Variants in SYNJ1 observed in about 807,000 individuals in gnomAD.
The protein encoded by SYNJ1 is polyphosphatidylinositol phosphatase SYNJ1.
A neutral mutation model predicts 168.2 loss-of-function variants in SYNJ1; 78 were observed. The observed-to-expected ratio is 0.46, with a 90% confidence interval of 0.39 to 0.56. The LOEUF is 0.56. Among genes scored for constraint, SYNJ1 ranks in the 20% least tolerant of loss-of-function variants. The pLI is 0.00. For synonymous variants in SYNJ1, 539 were observed against 548.6 expected, an observed-to-expected ratio of 0.98 and a Z score of 0.24; for missense variants, 1,303 against 1,597.6, an observed-to-expected ratio of 0.82 and a Z score of 3.14.
Position 32,666,446 on chromosome 21 carries a change from C to T in SYNJ1, c.1939G>A (p.Ala647Thr). The change falls in exon 16 of 33, where the codon GCT becomes ACT. Residue 647 changes from alanine (A) to threonine (T), a missense_variant. By Grantham distance (58) the Ala-to-Thr change is moderately conservative. Coordinates refer to ENST00000674351, the MANE Select transcript of SYNJ1 (RefSeq NM_203446.3). The part of the protein sequence containing the change: ...CLFVFIRPQH[A>T]PFIRDVAVDT... ...CTGTTTACTGACCTGATAAAAGGAGCATGCTGTGGTCTGATAAAAACAAAC... is the reference window on the plus strand; with the variant it reads ...CTGTTTACTGACCTGATAAAAGGAGTATGCTGTGGTCTGATAAAAACAAAC... The T allele has an allele frequency of 3.7e-6, 6 of 1,613,756 alleles. No individual in the cohort carries two copies. Among genetic ancestry groups the T allele is most frequent in the Non-Finnish European group, 5.1e-6 (6 of 1,179,882 alleles).
At chr21:32,634,974 C>T (rs1601211651) in intron 31 of SYNJ1, 90 bp from the exon 32 acceptor site, 1 of 1,379,024 alleles carries the variant, frequency 7.3e-7, no homozygotes, top group East Asian at 2.3e-5. Flanking sequence ...CAACAAAATG[C>T]TTTCTAAGTT....
At chr21:32,666,831 A>T (rs1391191858) in intron 15 of SYNJ1, among the ~76,000 whole-genome samples, 1 of 152,172 alleles carries the variant, frequency 6.6e-6, no homozygotes, top group Non-Finnish European at 1.5e-5. Context: ...GTAAATTCAA[A>T]CTTATACATT....
intron 2 of SYNJ1, among the ~76,000 whole-genome samples, chr21:32,725,566 T>A (rs565473960): frequency 6.6e-6 from 1 of 152,318 alleles, no homozygotes; most frequent in South Asian, 2.1e-4. Flanking sequence ...TATGTCACTA[T>A]CTTTTTCCCC....
At chr21:32,639,198 G>A in intron 30 of SYNJ1, 73 bp from the exon 31 acceptor site, 2 of 1,381,606 alleles carry the variant, frequency 1.4e-6, no homozygotes, top group South Asian at 1.4e-5. Context: ...TTAGTGAAAT[G>A]TTAGGAGAAC....
intron 15 of SYNJ1, 46 bp downstream of exon 15, chr21:32,670,242 T>TC: frequency 6.6e-7 from 1 of 1,508,342 alleles, no homozygotes; most frequent in Non-Finnish European, 9.2e-7. Context: ...CTCCATAGTT[T>TC]CCCTCAACTG....
rs139705404 is a variant in SYNJ1, at chr21:32,664,312, G to A, written c.2304+601C>T. ...AGTTCTCAAAGGGGGGAATAAGGGA[G>A]GAGACCACCCCTCATATTGTCTTAT... On this transcript the variant is annotated intron_variant, in intron 18 of 32. Coordinates refer to ENST00000674351, the MANE Select transcript of SYNJ1 (RefSeq NM_203446.3). Among the ~76,000 whole-genome samples the A allele has an allele frequency of 2.6e-3, 391 of 152,274 alleles. 4 individuals are homozygous for A. The highest frequency in any genetic ancestry group is 9.1e-3 in the African/African-American group (379 of 41,530).
chr21:32,644,819 A>G, intron 26 of SYNJ1, 149 bp downstream of exon 26: 1 of 870,218 alleles, frequency 1.1e-6, no homozygotes, highest in Non-Finnish European at 1.7e-6. Context: ...TACCTGGGAA[A>G]TGAAAGCCTT....
chr21:32,662,085 C>G lies in SYNJ1; in HGVS notation c.2304+2828G>C, dbSNP rs141394358. ...AAGGAGAAGGAATCCCAGCCTGGAT[C>G]CACCACAGCCGTGTGAAACCTGCAG... is the stretch of plus-strand genomic sequence containing the variant. On this transcript the variant is annotated intron_variant, in intron 18 of 32. Coordinates refer to ENST00000674351, the MANE Select transcript of SYNJ1 (RefSeq NM_203446.3). Among the ~76,000 whole-genome samples, 211 of 152,244 alleles carry G rather than the reference C, an allele frequency of 1.4e-3. 4 individuals carry two copies. In the East Asian group the frequency reaches 0.015, roughly 11 times the overall value.
At position 32,631,153 on chromosome 21, in the gene SYNJ1, A is replaced by AT. The variant is rs2039307125; in HGVS notation, c.*651_*652insA. 6.2e-7 allele frequency: 1 copy of AT among 1,614,188 alleles called. No individual in the cohort carries two copies. The highest frequency in any genetic ancestry group is 1.1e-5 in the South Asian group (1 of 91,084). ...AAGGAGACATTTGTACCTTTATTCCAGTCATCATTCAATGTCAGGTTGGAG... is the reference window on the plus strand; with the variant it reads ...AAGGAGACATTTGTACCTTTATTCCATGTCATCATTCAATGTCAGGTTGGAG... On this transcript the variant is annotated 3_prime_UTR_variant, in exon 33 of 33. Transcript: ENST00000674351.
intron 1 of SYNJ1, among the ~76,000 whole-genome samples, chr21:32,727,321 G>T (rs1327356778): frequency 6.6e-6 from 1 of 152,198 alleles, no homozygotes; most frequent in East Asian, 1.9e-4. Flanking sequence ...TTCCTTCGAG[G>T]TGAAAGGAGC....
At chr21:32,643,508 G>A in intron 26 of SYNJ1, 51 bp from the exon 27 acceptor site, 1 of 1,565,566 alleles carries the variant, frequency 6.4e-7, no homozygotes, top group African/African-American at 1.4e-5. Flanking sequence ...CCACAGCACA[G>A]AATGAAAGGC....
intron 26 of SYNJ1, among the ~76,000 whole-genome samples, chr21:32,644,480 T>G (rs2039980431): frequency 6.6e-6 from 1 of 152,238 alleles, no homozygotes; most frequent in South Asian, 2.1e-4. Context: ...AGATTTAGAT[T>G]AAATAAACTT....
In SYNJ1 at chr21:32,695,096, A is replaced by C. The variant is rs1391529643; in HGVS notation, c.666T>G (p.Asn222Lys). 1 of 1,614,148 alleles carries C rather than the reference A, an allele frequency of 6.2e-7. No individual in the cohort carries two copies. Among genetic ancestry groups the C allele is most frequent in the South Asian group, 1.1e-5 (1 of 91,088 alleles). The change falls in exon 5 of 33, where the codon AAT becomes AAG. Residue 222 changes from asparagine to lysine, a missense_variant. Transcript: ENST00000674351. The part of the protein sequence containing the change: ...AGTRFNVRGT[N>K]DDGHVANFVE... ...CAAAATTGGCAACATGACCATCATC[A>C]TTTGTTCCCCGGACATTAAACCTGG...
rs148901211 is a variant in SYNJ1, at chr21:32,673,511, T to C, written c.1555A>G (p.Ser519Gly). 9.4e-5 allele frequency: 152 copies of C among 1,610,444 alleles called. No individual in the cohort carries two copies. Among genetic ancestry groups the C allele is most frequent in the Non-Finnish European group, 1.2e-4 (141 of 1,178,532 alleles). Residue 519 changes from serine (S) to glycine (G), a missense_variant, in exon 14 of 33, where the codon AGC (serine) becomes GGC (glycine). This residue lies in a region of SYNJ1 where 920 missense variants were observed against 1,208.8 expected (regional missense o/e 0.76). Coordinates refer to ENST00000674351, the MANE Select transcript of SYNJ1 (RefSeq NM_203446.3). ...TATTTGTAGAAATTCTCACACATGC[T>C]CTTTAGTACTTTAGAAGATGCTAAT... ...LQSASSKVLK[S>G]MCENFYKYSK...
At chr21:32,702,490 G>T (rs1019731315) in intron 2 of SYNJ1, among the ~76,000 whole-genome samples, 6 of 151,800 alleles carry the variant, frequency 4.0e-5, no homozygotes, top group African/African-American at 1.5e-4. Flanking sequence ...ATAAACCACA[G>T]AATAATTTTC....
chr21:32,683,428 T>G (rs905872365), intron 10 of SYNJ1, among the ~76,000 whole-genome samples: 1 of 152,064 alleles, frequency 6.6e-6, no homozygotes, highest in Non-Finnish European at 1.5e-5. Context: ...ACTATGGCAT[T>G]TTCATCTGAT....
In SYNJ1 at chr21:32,702,006, C is replaced by T; in HGVS notation, c.166G>A (p.Val56Ile). 6.3e-7 allele frequency: 1 copy of T among 1,579,532 alleles called. No homozygotes were observed. Among genetic ancestry groups the T allele is most frequent in the Non-Finnish European group, 8.6e-7 (1 of 1,157,178 alleles). ...KEAIKGTYSKVLDAYGLLGVL... is the reference protein window; with the variant it reads ...KEAIKGTYSKILDAYGLLGVL... ...CCTAAGAGTCCATATGCATCCAGTA[C>T]TTTGGAGTATGTACCCTTGATTGCC... Residue 56 changes from valine to isoleucine, a missense_variant, in exon 3 of 33, where the codon GTA becomes ATA. By Grantham distance (29) the Val-to-Ile change is conservative (BLOSUM62 3). Around this residue, in one of 2 missense-constraint regions of SYNJ1, gnomAD observed 920 missense variants for 1,208.8 expected, o/e 0.76. Transcript: ENST00000674351.
intron 18 of SYNJ1, among the ~76,000 whole-genome samples, chr21:32,659,811 G>A (rs879543142): frequency 1.3e-5 from 2 of 152,180 alleles, no homozygotes; most frequent in Non-Finnish European, 2.9e-5. Context: ...TCTTGTCTGA[G>A]GCTCGTCCTG....
At chr21:32,680,360 A>G (rs2041572848) in intron 11 of SYNJ1, among the ~76,000 whole-genome samples, 1 of 152,208 alleles carries the variant, frequency 6.6e-6, no homozygotes, top group Non-Finnish European at 1.5e-5. Context: ...GAGAACTATA[A>G]AAGTGATAAA....
Sources: allele counts gnomAD v4.1 joint callset (sites outside exome capture counted in the v4.1 genomes callset), GRCh38; gene constraint gnomAD v4.1.1; regional missense constraint gnomAD v4.1.1; transcripts MANE v1.5; gene names NCBI Gene and HGNC (gene_info 2026-07-23, HGNC 2026-07-21).